CTNNA2: variants seen among roughly 807,000 people sequenced by gnomAD.
The protein encoded by CTNNA2 is catenin alpha-2.
CTNNA2 carries 42 observed loss-of-function variants against 101.0 expected under a neutral mutation model. The observed-to-expected ratio is 0.42, with a 90% CI of 0.32 to 0.54. CTNNA2 has a LOEUF of 0.54. Ranked by LOEUF, CTNNA2 falls within the 20% of genes least tolerant of loss-of-function variation. CTNNA2 has a pLI of 0.14. For missense variants in CTNNA2, 871 were observed against 1,223.1 expected (o/e 0.71, Z 4.29); for synonymous variants, 450 against 456.4 (o/e 0.99, Z 0.18).
chr2:80,164,152 G>GTAATTATTGGTATGCTAAAGCT (rs1283770477), intron 7 of CTNNA2, among the ~76,000 whole-genome samples: 7 of 151,734 alleles, frequency 4.6e-5, no homozygotes, highest in Non-Finnish European at 1.0e-4. Flanking sequence ...TGCATTTAAT[G>GTAATTATTGGTATGCTAAAGCT]TAATTATTGG....
chr2:79,727,593 A>ATTT (rs1434655050), intron 2 of CTNNA2, among the ~76,000 whole-genome samples: 4 of 151,812 alleles, frequency 2.6e-5, no homozygotes, highest in African/African-American at 9.7e-5. Context: ...TATTATTATT[A>ATTT]TACTTTAAGT....
intron 9 of CTNNA2, among the ~76,000 whole-genome samples, chr2:80,469,275 T>C (rs1685099746): frequency 6.6e-6 from 1 of 152,200 alleles, no homozygotes; most frequent in African/African-American, 2.4e-5. Flanking sequence ...AGAAGTTCAT[T>C]ATATGCCTGA....
At chr2:79,388,742 G>A (rs1678134689) in intron 4 of CTNNA2, among the ~76,000 whole-genome samples, 1 of 151,866 alleles carries the variant, frequency 6.6e-6, no homozygotes, top group Non-Finnish European at 1.5e-5. Context: ...TTACCTTTGA[G>A]TCCTAATACA....
chr2:79,654,717 T>C (rs1031260161), intron 2 of CTNNA2, among the ~76,000 whole-genome samples: 3 of 152,204 alleles, frequency 2.0e-5, no homozygotes, highest in African/African-American at 7.2e-5. Flanking sequence ...TTGTATGTAA[T>C]TGGAGAACAT....
intron 7 of CTNNA2, among the ~76,000 whole-genome samples, chr2:79,942,900 G>A (rs1226430833): frequency 6.6e-6 from 1 of 152,172 alleles, no homozygotes; most frequent in African/African-American, 2.4e-5. Context: ...ATTTATGAAT[G>A]TTAGTCTTCA....
At chr2:79,215,917 A>T in intron 2 of CTNNA2, among the ~76,000 whole-genome samples, 1 of 152,120 alleles carries the variant, frequency 6.6e-6, no homozygotes, top group Non-Finnish European at 1.5e-5. Flanking sequence ...ATGGGTCAGT[A>T]GAAAAGGAAG....
chr2:79,993,145 A>G (rs1393223209), intron 7 of CTNNA2, among the ~76,000 whole-genome samples: 1 of 152,190 alleles, frequency 6.6e-6, no homozygotes, highest in Non-Finnish European at 1.5e-5. Flanking sequence ...CCTAACTTCT[A>G]CTTCTGCAGC....
At chr2:80,192,668 G>A (rs111666557) in intron 7 of CTNNA2, among the ~76,000 whole-genome samples, 4,054 of 152,034 alleles carry the variant, frequency 0.027, 98 homozygotes, top group Non-Finnish European at 0.037. Context: ...CTAGGGTTAC[G>A]GCACTAGCCA....
At chr2:79,327,430 C>T (rs1434219) in intron 3 of CTNNA2, among the ~76,000 whole-genome samples, 68,313 of 152,016 alleles carry the variant, frequency 0.45, 15,609 homozygotes, top group Middle Eastern at 0.54. Context: ...CTCAGGAATA[C>T]AGGATTGAGC....
At chr2:79,780,468 C>T (rs1339243558) in intron 3 of CTNNA2, among the ~76,000 whole-genome samples, 1 of 152,158 alleles carries the variant, frequency 6.6e-6, no homozygotes, top group Non-Finnish European at 1.5e-5. Flanking sequence ...AGGCTTTTGT[C>T]TGGGGAATAC....
At chr2:79,702,247 A>T (rs1209424937) in intron 2 of CTNNA2, among the ~76,000 whole-genome samples, 1 of 151,838 alleles carries the variant, frequency 6.6e-6, no homozygotes, top group Non-Finnish European at 1.5e-5. Flanking sequence ...ATGATTTTTT[A>T]AAAATAAGAA....
At chr2:79,949,308 A>C (rs1246438225) in intron 7 of CTNNA2, among the ~76,000 whole-genome samples, 1 of 152,192 alleles carries the variant, frequency 6.6e-6, no homozygotes, top group African/African-American at 2.4e-5. Context: ...AATTGTGTAA[A>C]TGTCTTTCAT....
intron 4 of CTNNA2, among the ~76,000 whole-genome samples, chr2:79,503,944 CAG>C (rs1339747982): frequency 1.3e-5 from 2 of 152,052 alleles, no homozygotes; most frequent in Non-Finnish European, 2.9e-5. Flanking sequence ...ATAGTGGAGA[CAG>C]AGAGAATTAT....
chr2:79,447,646 A>C (rs1474240555), intron 4 of CTNNA2, among the ~76,000 whole-genome samples: 1 of 152,046 alleles, frequency 6.6e-6, no homozygotes, highest in Non-Finnish European at 1.5e-5. Flanking sequence ...TGTCAAGGAC[A>C]TTGAGTTTCA....
At chr2:79,215,211 G>A (rs1411688475) in intron 2 of CTNNA2, among the ~76,000 whole-genome samples, 4 of 152,138 alleles carry the variant, frequency 2.6e-5, no homozygotes, top group Admixed American at 6.5e-5. Flanking sequence ...CAGATGGGAC[G>A]TGGCTTAGGA....
At chr2:79,637,481 A>T (rs1680153398) in intron 1 of CTNNA2, among the ~76,000 whole-genome samples, 1 of 152,178 alleles carries the variant, frequency 6.6e-6, no homozygotes, top group Non-Finnish European at 1.5e-5. Flanking sequence ...GCCCACATGT[A>T]TTGAGCTATT....
intron 2 of CTNNA2, among the ~76,000 whole-genome samples, chr2:79,294,335 A>C (rs1675918835): frequency 6.6e-6 from 1 of 152,046 alleles, no homozygotes; most frequent in African/African-American, 2.4e-5. Flanking sequence ...ATCTATTCTT[A>C]TGAAGATATT....
rs116196573 is a variant in CTNNA2 at position 79,654,515 on chromosome 2, T to A, written c.102+2857T>A. The stretch of plus-strand genomic sequence containing the variant: ...TCCGATTTCAGCTTAAACTGTTATA[T>A]TTCCTTCGATGAATCTTAACTCTAC... On this transcript the variant is annotated intron_variant, in intron 2 of 18. Coordinates refer to ENST00000402739, the MANE Select transcript of CTNNA2 (RefSeq NM_001282597.3). Among the ~76,000 whole-genome samples, 681 of 152,264 alleles carry A rather than the reference T, an allele frequency of 4.5e-3. 2 individuals are homozygous for A. The highest frequency in any genetic ancestry group is 0.017 in the Middle Eastern group (5 of 294).
intron 1 of CTNNA2, among the ~76,000 whole-genome samples, chr2:79,191,711 T>C (rs1023010915): frequency 9.2e-5 from 14 of 152,098 alleles, no homozygotes; most frequent in African/African-American, 3.4e-4. Flanking sequence ...CTGAGTTTTA[T>C]ACTTGGCTGA....
Sources: gnomAD v4.1 joint callset for allele counts (sites outside exome capture counted in the v4.1 genomes callset) on GRCh38, gnomAD v4.1.1 for gene constraint, MANE v1.5 for transcripts, NCBI Gene and HGNC (gene_info 2026-07-23, HGNC 2026-07-21) for gene names.